Variants in FOXP1 observed in about 807,000 individuals in gnomAD.
FOXP1 encodes forkhead box P1.
In FOXP1, 15 loss-of-function variants were observed where a neutral mutation model predicts 98.2. That is an observed-to-expected ratio of 0.15 (90% CI 0.10 to 0.24). The LOEUF (loss-of-function observed/expected upper bound fraction) is 0.24. FOXP1 is among the 10% of genes least tolerant of loss of function. FOXP1 has a pLI of 1.00. For missense variants in FOXP1, 633 were observed against 848.5 expected (o/e 0.75, Z 3.15); for synonymous variants, 371 against 314.5 (o/e 1.18, Z -1.90).
intron 2 of FOXP1, among the ~76,000 whole-genome samples, chr3:71,532,541 A>T (rs779326940): frequency 2.6e-5 from 4 of 152,274 alleles, no homozygotes; most frequent in African/African-American, 7.2e-5. Context: ...ATGATTTTTT[A>T]AAAAAATTAA....
intron 7 of FOXP1, among the ~76,000 whole-genome samples, chr3:71,109,426 G>GTT (rs201988876): frequency 2.0e-4 from 6 of 30,764 alleles, no homozygotes; most frequent in East Asian, 1.7e-3. Context: ...GGGATTTGGG[G>GTT]GTTTTTTTTT....
chr3:71,143,129 T>C (rs1302449704), intron 6 of FOXP1, among the ~76,000 whole-genome samples: 1 of 152,224 alleles, frequency 6.6e-6, no homozygotes, highest in Admixed American at 6.5e-5. Flanking sequence ...GGGAAAACAC[T>C]AAGTGAAAAC....
intron 4 of FOXP1, among the ~76,000 whole-genome samples, chr3:71,351,712 G>A (rs115564840): frequency 0.01 from 1,593 of 152,298 alleles, 29 homozygotes; most frequent in African/African-American, 0.036. Flanking sequence ...CCAGGTACGG[G>A]ACCAAAGCTT....
chr3:71,272,256 A>T (rs1196904185), intron 5 of FOXP1, among the ~76,000 whole-genome samples: 1 of 152,204 alleles, frequency 6.6e-6, no homozygotes, highest in Non-Finnish European at 1.5e-5. Context: ...AGTTTGATAA[A>T]TAGATTACTA....
intron 3 of FOXP1, among the ~76,000 whole-genome samples, chr3:71,439,259 G>A (rs959702725): frequency 2.0e-5 from 3 of 152,204 alleles, no homozygotes; most frequent in African/African-American, 4.8e-5. Context: ...GCATGCAAAC[G>A]ATTGCCTTTT....
At chr3:71,449,928 A>C (rs906309984) in intron 3 of FOXP1, among the ~76,000 whole-genome samples, 1 of 152,232 alleles carries the variant, frequency 6.6e-6, no homozygotes, top group East Asian at 1.9e-4. Context: ...AGTTTAAAAA[A>C]TCTCAGAGAG....
At chr3:71,560,028 G>A (rs1192743662) in intron 2 of FOXP1, among the ~76,000 whole-genome samples, 1 of 152,094 alleles carries the variant, frequency 6.6e-6, no homozygotes, top group Non-Finnish European at 1.5e-5. Context: ...AAGAATGAAG[G>A]AGACAATGAG....
intron 4 of FOXP1, among the ~76,000 whole-genome samples, chr3:71,349,721 T>A (rs1217013758): frequency 6.6e-6 from 1 of 152,180 alleles, no homozygotes; most frequent in Non-Finnish European, 1.5e-5. Context: ...ATGTTAAGCT[T>A]TTGACAACCA....
Position 70,959,256 on chromosome 3 carries a change from G to A in FOXP1, c.2025C>T (p.Asp675=), listed in dbSNP as rs1413794656. 2.5e-6 allele frequency: 4 copies of A among 1,611,314 alleles called. No homozygotes were observed. In the East Asian group the frequency reaches 8.9e-5, roughly 36 times the overall value. The change falls in exon 21 of 21, where the codon GAC becomes GAT. Residue 675 remains aspartate (D), a synonymous_variant. Transcript: ENST00000649528. ...TGGCCCGCCCCGATAGTCACTCCAT[G>A]TCCTCGTTTACTGGTTCATCTTCGT... ...RDYEDEPVNE[D]ME
chr3:71,071,596 T>C (rs1473546625), intron 7 of FOXP1, among the ~76,000 whole-genome samples: 2 of 152,166 alleles, frequency 1.3e-5, no homozygotes, highest in Admixed American at 1.3e-4. Context: ...TTTTTTGAGA[T>C]GGAGTCTCGC....
At chr3:71,107,376 G>A (rs1417901274) in intron 7 of FOXP1, among the ~76,000 whole-genome samples, 1 of 152,104 alleles carries the variant, frequency 6.6e-6, no homozygotes, top group Non-Finnish European at 1.5e-5. Context: ...TCTGGGAGGA[G>A]GGGTCACTGT....
chr3:71,373,885 T>C (rs1186584442), intron 3 of FOXP1, among the ~76,000 whole-genome samples: 1 of 152,118 alleles, frequency 6.6e-6, no homozygotes, highest in African/African-American at 2.4e-5. Context: ...AGGTGTGGAG[T>C]GGCTATACAC....
At chr3:71,362,112 C>T (rs1472386100) in intron 3 of FOXP1, among the ~76,000 whole-genome samples, 1 of 152,178 alleles carries the variant, frequency 6.6e-6, no homozygotes, top group Non-Finnish European at 1.5e-5. Flanking sequence ...AGAGCAGCTT[C>T]CATCTCAAAC....
intron 7 of FOXP1, among the ~76,000 whole-genome samples, chr3:71,071,165 G>GA (rs1273307584): frequency 2.0e-5 from 3 of 152,112 alleles, no homozygotes; most frequent in Non-Finnish European, 2.9e-5. Context: ...TCCTTTTCTA[G>GA]AAAAAAAGGT....
chr3:71,529,457 T>C (rs1169916860), intron 2 of FOXP1, among the ~76,000 whole-genome samples: 1 of 152,198 alleles, frequency 6.6e-6, no homozygotes, highest in East Asian at 1.9e-4. Context: ...GTGATAATTG[T>C]CTTTTTGTAT....
chr3:71,218,091 A>G (rs1467878867), intron 5 of FOXP1, among the ~76,000 whole-genome samples: 1 of 152,180 alleles, frequency 6.6e-6, no homozygotes, highest in East Asian at 1.9e-4. Flanking sequence ...TGAGTCCATC[A>G]CACTGAATGG....
chr3:70,977,602 T>A (rs750885915), intron 16 of FOXP1, 41 bp downstream of exon 16: 1 of 1,478,954 alleles, frequency 6.8e-7, no homozygotes. Context: ...TGTACACATA[T>A]ACCTTCTGAC....
chr3:71,052,980 AGT>A (rs1490322202), intron 8 of FOXP1, among the ~76,000 whole-genome samples: 2 of 152,278 alleles, frequency 1.3e-5, no homozygotes, highest in African/African-American at 4.8e-5. Flanking sequence ...GGCACTATGC[AGT>A]GTTATTCAGT....
At chr3:71,324,617 G>A (rs1160681821) in intron 4 of FOXP1, among the ~76,000 whole-genome samples, 2 of 151,996 alleles carry the variant, frequency 1.3e-5, no homozygotes, top group Non-Finnish European at 2.9e-5. Flanking sequence ...GGCCTGTCGT[G>A]GGGTGGGGGG....
Sources: allele counts gnomAD v4.1 joint callset (sites outside exome capture counted in the v4.1 genomes callset), GRCh38; gene constraint gnomAD v4.1.1; transcripts MANE v1.5; gene names NCBI Gene and HGNC (gene_info 2026-07-23, HGNC 2026-07-21).